DBF4B: variants seen among roughly 807,000 people sequenced by gnomAD.
DBF4B encodes the protein DBF4B-CDC7 kinase regulatory subunit.
Under a neutral mutation model 53.4 loss-of-function variants are expected in DBF4B, and 49 were observed. That is an observed-to-expected ratio of 0.92 (90% CI 0.73 to 1.16). The LOEUF (loss-of-function observed/expected upper bound fraction) is 1.16, where lower values mean the gene tolerates loss of function less well. DBF4B is among the 50% of genes most tolerant of loss of function. The pLI, the probability that DBF4B is intolerant of heterozygous loss-of-function variation, is 0.00. For missense variants in DBF4B, 692 were observed against 775.0 expected, an observed-to-expected ratio of 0.89 and a Z score of 1.27; for synonymous variants, 257 against 288.7, an observed-to-expected ratio of 0.89 and a Z score of 1.11.
intron 2 of DBF4B, among the ~76,000 whole-genome samples, chr17:44,712,241 T>C (rs2144751015): frequency 6.6e-6 from 1 of 151,928 alleles, no homozygotes; most frequent in South Asian, 2.1e-4. Context: ...AGCTACCACC[T>C]TATTTCTGTA....
rs1337804173 is a variant in DBF4B, at chr17:44,751,233, C to T, written c.1828C>T (p.Leu610=). The T allele has an allele frequency of 6.2e-7, 1 of 1,613,306 alleles. No homozygotes were observed. Among genetic ancestry groups the T allele is most frequent in the Non-Finnish European group, 8.5e-7 (1 of 1,179,796 alleles). Residue 610 remains leucine (L), a synonymous_variant, in exon 14 of 14, where the codon CTG becomes TTG. Coordinates refer to ENST00000315005, the MANE Select transcript of DBF4B (RefSeq NM_145663.3). ...TPQPFLHCGF[L]AVDSG ...TCAGCCATTTCTCCATTGCGGCTTC[C>T]TGGCTGTAGACTCAGGTTAGAGGTG... is the stretch of plus-strand genomic sequence containing the variant.
intron 10 of DBF4B, among the ~76,000 whole-genome samples, chr17:44,742,954 C>T (rs958537010): frequency 6.6e-6 from 1 of 152,018 alleles, no homozygotes; most frequent in Non-Finnish European, 1.5e-5. Context: ...GTTCCTGGGG[C>T]CAAGGAGGCT....
chr17:44,739,806 C>T (rs1407380962), intron 9 of DBF4B, among the ~76,000 whole-genome samples: 1 of 152,100 alleles, frequency 6.6e-6, no homozygotes, highest in East Asian at 1.9e-4. Flanking sequence ...AGTCTCACTC[C>T]ATCACCTAGG....
chr17:44,727,109 A>C (rs1337869090), intron 3 of DBF4B, among the ~76,000 whole-genome samples: 1 of 149,620 alleles, frequency 6.7e-6, no homozygotes, highest in African/African-American at 2.5e-5. Context: ...AAAAAAAAAA[A>C]AAAAAAAAAA....
rs147450706 is a variant in DBF4B at position 44,738,573 on chromosome 17, A to G, written c.713+149A>G. ...TCTTCCTGAGAAGCCACTTTCTCCC[A>G]TTGTCATGGAGAAGTCTCATGCAAA... On this transcript the variant is annotated intron_variant, in intron 9 of 13. Coordinates refer to ENST00000315005, the MANE Select transcript of DBF4B (RefSeq NM_145663.3). 110 of 760,820 alleles carry G rather than the reference A, an allele frequency of 1.4e-4. No homozygotes were observed. In the East Asian group the frequency reaches 2.8e-3, roughly 19 times the overall value. 47.1% of individuals were successfully genotyped at this position (760,820 alleles called of 1,614,324 possible). A position where few individuals can be genotyped will look rare whatever the true frequency, so the allele number is the denominator to read the frequency against.
chr17:44,708,933 C>G, intron 1 of DBF4B, 94 bp downstream of exon 1: 1 of 1,506,308 alleles, frequency 6.6e-7, no homozygotes, highest in African/African-American at 1.4e-5. Context: ...AGGAAGTGAC[C>G]AGCGGGTAGG....
At chr17:44,746,129 G>A (rs917543233) in intron 10 of DBF4B, among the ~76,000 whole-genome samples, 2 of 151,196 alleles carry the variant, frequency 1.3e-5, no homozygotes, top group African/African-American at 4.9e-5. Context: ...CTATTCGGGA[G>A]GCTGAGACAA....
Position 44,749,288 on chromosome 17 carries a change from A to T in DBF4B, c.1189+823A>T. The T allele has an allele frequency of 7.8e-7, 1 of 1,289,216 alleles. No homozygotes were observed. Among genetic ancestry groups the T allele is most frequent in the Non-Finnish European group, 1.0e-6 (1 of 988,596 alleles). The allele number at this position is 1,289,216 out of a possible 1,614,324, so 79.9% of individuals were successfully genotyped here. A position where few individuals can be genotyped will look rare whatever the true frequency, so the allele number is the denominator to read the frequency against. On this transcript the variant is annotated intron_variant, in intron 13 of 13. Transcript: ENST00000315005. This position sits in a 1 kb window ranked among gnomAD's most constrained non-coding sequence, Gnocchi z 4.4. ...CAACCCCAGCCCCAGCCCCAGCCCC[A>T]TGCTGGCAGAGAGCTGCTCCTACGA...
At chr17:44,742,251 A>C (rs1300506682) in intron 10 of DBF4B, among the ~76,000 whole-genome samples, 1 of 141,850 alleles carries the variant, frequency 7.0e-6, no homozygotes, top group African/African-American at 2.7e-5. Flanking sequence ...AAAATGCAAC[A>C]AAAAAAAAAT....
chr17:44,731,879 C>T (rs1291996505), intron 5 of DBF4B: 4 of 315,770 alleles, frequency 1.3e-5, no homozygotes, highest in Middle Eastern at 9.3e-4. Flanking sequence ...CTCGCAGAGG[C>T]CCTCCCAACG....
At chr17:44,717,135 T>C (rs1973400044) in intron 2 of DBF4B, among the ~76,000 whole-genome samples, 2 of 152,150 alleles carry the variant, frequency 1.3e-5, no homozygotes, top group African/African-American at 4.8e-5. Context: ...TTTGCAACTC[T>C]TCTGGTGTTG....
chr17:44,735,786 G>T (rs1264231464), intron 7 of DBF4B, among the ~76,000 whole-genome samples: 1 of 152,188 alleles, frequency 6.6e-6, no homozygotes, highest in Admixed American at 6.5e-5. Flanking sequence ...TGCCCCCAAG[G>T]TGTGGCCTAG....
intron 2 of DBF4B, among the ~76,000 whole-genome samples, chr17:44,713,823 CAT>C (rs1424747375): frequency 3.9e-5 from 6 of 152,150 alleles, no homozygotes; most frequent in Non-Finnish European, 5.9e-5. Flanking sequence ...GTCTTGGAGA[CAT>C]AGCGTTTTAG....
At chr17:44,712,235 A>G (rs1446663662) in intron 2 of DBF4B, among the ~76,000 whole-genome samples, 1 of 150,752 alleles carries the variant, frequency 6.6e-6, no homozygotes, top group Non-Finnish European at 1.5e-5. Flanking sequence ...TCTAGAAGCT[A>G]CCACCTTATT....
intron 3 of DBF4B, among the ~76,000 whole-genome samples, chr17:44,723,724 A>G (rs1598788418): frequency 6.6e-6 from 1 of 151,696 alleles, no homozygotes; most frequent in South Asian, 2.1e-4. Flanking sequence ...GTACCACTGC[A>G]CTCCAGCCTG....
intron 3 of DBF4B, among the ~76,000 whole-genome samples, 191 bp from the exon 4 acceptor site, chr17:44,729,713 CA>C (rs1974662961): frequency 1.3e-5 from 2 of 151,176 alleles, no homozygotes; most frequent in Non-Finnish European, 2.9e-5. Flanking sequence ...CACACACACA[CA>C]CACACACACA....
At chr17:44,720,163 C>A in intron 2 of DBF4B, 1 of 351,590 alleles carries the variant, frequency 2.8e-6, no homozygotes. Flanking sequence ...CAGAATCGTC[C>A]TGGAGGTGAT....
At chr17:44,723,389 G>A (rs1027043033) in intron 3 of DBF4B, among the ~76,000 whole-genome samples, 1 of 152,236 alleles carries the variant, frequency 6.6e-6, no homozygotes, top group Middle Eastern at 3.4e-3. Context: ...ACAGGCGTGA[G>A]CCACCACACC....
intron 11 of DBF4B, 91 bp downstream of exon 11, chr17:44,747,282 C>G: frequency 6.3e-7 from 1 of 1,590,352 alleles, no homozygotes; most frequent in Non-Finnish European, 8.6e-7. Flanking sequence ...GATCTCTATG[C>G]TGCTATGGCT....
Sources: allele counts gnomAD v4.1 joint callset (sites outside exome capture counted in the v4.1 genomes callset), GRCh38; gene constraint gnomAD v4.1.1; non-coding constraint Gnocchi (gnomAD v3.1); transcripts MANE v1.5; gene names NCBI Gene and HGNC (gene_info 2026-07-23, HGNC 2026-07-21).